Variants in ADGRV1 observed in about 807,000 individuals in gnomAD.
ADGRV1 encodes the protein G-protein coupled receptor 98.
ADGRV1 carries 359 observed loss-of-function variants against 596.2 expected under a neutral mutation model. The observed-to-expected ratio is 0.60, with a 90% confidence interval of 0.55 to 0.66. The LOEUF (loss-of-function observed/expected upper bound fraction) is 0.66. ADGRV1 is among the 30% of genes least tolerant of loss of function. The pLI is 0.00. For missense variants in ADGRV1, 7,274 were observed against 7,575.6 expected, an observed-to-expected ratio of 0.96 and a Z score of 1.48; for synonymous variants, 2,681 against 2,679.2, an observed-to-expected ratio of 1.00 and a Z score of -0.02.
chr5:90,856,125 C>T (rs1369390094), intron 82 of ADGRV1, among the ~76,000 whole-genome samples: 4 of 152,066 alleles, frequency 2.6e-5, no homozygotes, highest in African/African-American at 2.4e-5. Context: ...AGTTTCACCC[C>T]ATAAAGAATA....
rs375653808 is a variant in ADGRV1, at chr5:90,627,278, C to T, written c.740C>T (p.Thr247Ile). 15 of 1,607,342 alleles carry T rather than the reference C, an allele frequency of 9.3e-6. No individual in the cohort carries two copies. The South Asian group carries it at 1.6e-4, about 17-fold the overall frequency. The change falls in exon 7 of 90, where the codon ACC (threonine) becomes ATC (isoleucine). Residue 247 changes from threonine (T) to isoleucine (I), a missense_variant. By Grantham distance (89) the Thr-to-Ile change is moderately conservative. Coordinates refer to ENST00000405460, the MANE Select transcript of ADGRV1 (RefSeq NM_032119.4). ...KSVEGGAEIN[T>I]SRNSIEIIIK... ...GTAGAAGGAGGAGCTGAGATTAACA[C>T]CTCTAGGAATTCCATTGAGATCATC...
At chr5:90,578,957 A>G (rs1757598558) in intron 1 of ADGRV1, among the ~76,000 whole-genome samples, 1 of 150,684 alleles carries the variant, frequency 6.6e-6, no homozygotes, top group East Asian at 2.0e-4. Flanking sequence ...CGGTGGTGAT[A>G]TATCATTTTT....
intron 84 of ADGRV1, among the ~76,000 whole-genome samples, chr5:90,982,291 T>C (rs150546012): frequency 9.0e-4 from 137 of 152,298 alleles, no homozygotes; most frequent in African/African-American, 2.9e-3. Flanking sequence ...TAACGTTGGT[T>C]TCATGATACT....
chr5:90,642,940 G>A lies in ADGRV1; in HGVS notation c.2452G>A (p.Asp818Asn), dbSNP rs1554069089. Residue 818 changes from aspartate to asparagine, a missense_variant, in exon 13 of 90, where the codon GAT (aspartate) becomes AAT (asparagine). This residue lies in a region of ADGRV1 where 1,715 missense variants were observed against 1,708.8 expected (regional missense o/e 1.00). Transcript: ENST00000405460. ...QFLHYRVEPR[D>N]SNEFYGNTGV... ...TCTACACTACCGAGTAGAGCCAAGA[G>A]ATAGCAATGAATTCTATGGAAACAC... 1.2e-6 allele frequency: 2 copies of A among 1,613,520 alleles called. No individual in the cohort carries two copies. The highest frequency in any genetic ancestry group is 1.7e-6 in the Non-Finnish European group (2 of 1,179,562).
At chr5:91,001,850 A>G (rs768867356) in intron 85 of ADGRV1, among the ~76,000 whole-genome samples, 2 of 151,790 alleles carry the variant, frequency 1.3e-5, no homozygotes, top group Non-Finnish European at 2.9e-5. Context: ...TTTGCATTAT[A>G]TTTTCTCTAA....
chr5:91,011,019 G>A (rs1782676777), intron 85 of ADGRV1, among the ~76,000 whole-genome samples: 1 of 151,912 alleles, frequency 6.6e-6, no homozygotes, highest in Non-Finnish European at 1.5e-5. Context: ...TTGTTAATAT[G>A]CATAAAAAAT....
intron 21 of ADGRV1, among the ~76,000 whole-genome samples, chr5:90,662,588 G>GT (rs1303389608): frequency 2.1e-3 from 309 of 148,810 alleles, no homozygotes; most frequent in Non-Finnish European, 2.8e-3. Flanking sequence ...AATCCTGGTA[G>GT]TTTTTTTTTT....
chr5:90,785,787 T>A (rs184669125), intron 67 of ADGRV1, among the ~76,000 whole-genome samples: 251 of 152,284 alleles, frequency 1.6e-3, no homozygotes, highest in African/African-American at 5.8e-3. Flanking sequence ...ATAGGAACGC[T>A]TTTACACTGC....
At position 90,729,775 on chromosome 5, in the gene ADGRV1, T is replaced by C; in HGVS notation, c.10549+11T>C. 6.2e-7 allele frequency: 1 copy of C among 1,612,340 alleles called. No individual in the cohort carries two copies. The highest frequency in any genetic ancestry group is 8.5e-7 in the Non-Finnish European group (1 of 1,178,960). ...CAGCCTCAGGAATAGGTAAGGACTTTTCAACTGCTCACCAATTCTAAAGGT... is the reference window on the plus strand; with the variant it reads ...CAGCCTCAGGAATAGGTAAGGACTTCTCAACTGCTCACCAATTCTAAAGGT... On this transcript the variant is annotated intron_variant, in intron 50 of 89. Coordinates refer to ENST00000405460, the MANE Select transcript of ADGRV1 (RefSeq NM_032119.4).
chr5:91,080,371 A>G (rs1789235457), intron 86 of ADGRV1, among the ~76,000 whole-genome samples: 1 of 152,094 alleles, frequency 6.6e-6, no homozygotes, highest in South Asian at 2.1e-4. Flanking sequence ...ACGTTTTCAC[A>G]TTTACAGGGC....
chr5:90,807,918 C>T lies in ADGRV1; in HGVS notation c.14972+181C>T, dbSNP rs1196052110. Among the ~76,000 whole-genome samples, 5 of 152,320 alleles carry T rather than the reference C, an allele frequency of 3.3e-5. No individual in the cohort carries two copies. The East Asian group carries it at 7.7e-4, about 24-fold the overall frequency. ...AGGTGGCTCTTAGGAGCCCCACCAC[C>T]CACTGTTTGCTCTAAAGAGAGCTCC... On this transcript the variant is annotated intron_variant, in intron 73 of 89. Coordinates refer to ENST00000405460, the MANE Select transcript of ADGRV1 (RefSeq NM_032119.4).
At chr5:90,890,831 C>G (rs1031688376) in intron 83 of ADGRV1, among the ~76,000 whole-genome samples, 7 of 152,102 alleles carry the variant, frequency 4.6e-5, no homozygotes, top group Non-Finnish European at 8.8e-5. Context: ...TCATCTTCTT[C>G]AACACTTCGT....
intron 85 of ADGRV1, among the ~76,000 whole-genome samples, chr5:90,995,456 A>T (rs1430153427): frequency 1.3e-5 from 2 of 152,132 alleles, no homozygotes; most frequent in Non-Finnish European, 2.9e-5. Flanking sequence ...CTCCCCAGCC[A>T]TGCCTTCTGT....
At chr5:90,838,424 C>A (rs914535692) in intron 77 of ADGRV1, among the ~76,000 whole-genome samples, 1 of 152,110 alleles carries the variant, frequency 6.6e-6, no homozygotes, top group African/African-American at 2.4e-5. Flanking sequence ...AAGAATCAAT[C>A]TCCAGGCTAG....
intron 85 of ADGRV1, among the ~76,000 whole-genome samples, chr5:91,003,837 C>T (rs925136803): frequency 6.6e-6 from 1 of 151,646 alleles, no homozygotes; most frequent in Non-Finnish European, 1.5e-5. Flanking sequence ...TCCCGGTGGA[C>T]TCAGATGTAA....
Position 91,094,712 on chromosome 5 carries a change from C to T in ADGRV1, c.18311-7507C>T, listed in dbSNP as rs75551786. Among the ~76,000 whole-genome samples the T allele has an allele frequency of 1.0e-3, 154 of 152,072 alleles. 1 individual carries two copies. In the East Asian group the frequency reaches 0.028, roughly 28 times the overall value. On this transcript the variant is annotated intron_variant, in intron 86 of 89. Transcript: ENST00000405460. ...AATGGGGCATCAGGGTAAATCGGTG[C>T]GAATGGTGATACCAGTACTCAGGAG... is the stretch of plus-strand genomic sequence containing the variant.
At chr5:90,589,061 AT>A (rs906194641) in intron 1 of ADGRV1, among the ~76,000 whole-genome samples, 1 of 152,102 alleles carries the variant, frequency 6.6e-6, no homozygotes, top group Non-Finnish European at 1.5e-5. Context: ...GATATCTTCT[AT>A]TTTTTTAAAG....
At chr5:91,107,094 A>T (rs963642405) in intron 87 of ADGRV1, among the ~76,000 whole-genome samples, 9 of 152,146 alleles carry the variant, frequency 5.9e-5, no homozygotes, top group Admixed American at 6.6e-5. Flanking sequence ...CCACACCCAG[A>T]GTTTCTGATA....
At position 90,729,659 on chromosome 5, in the gene ADGRV1, G is replaced by A. The variant is rs371432045; in HGVS notation, c.10444G>A (p.Asp3482Asn). The change falls in exon 50 of 90, where the codon GAT (aspartate) becomes AAT (asparagine). Residue 3482 changes from aspartate (D) to asparagine (N), a missense_variant. Coordinates refer to ENST00000405460, the MANE Select transcript of ADGRV1 (RefSeq NM_032119.4). ...NVFLGDQNSI[D>N]IFIWEMGQSS... is the part of the protein sequence containing the mutation. Reference sequence around the variant, plus strand: ...TATTGCAGGAGATCAGAATTCAATTGATATTTTCATCTGGGAGATGGGACA... The same window carrying A: ...TATTGCAGGAGATCAGAATTCAATTAATATTTTCATCTGGGAGATGGGACA... 12 of 1,605,532 alleles carry A rather than the reference G, an allele frequency of 7.5e-6. No individual in the cohort carries two copies. Among genetic ancestry groups the A allele is most frequent in the African/African-American group, 1.3e-5 (1 of 74,702 alleles).
Sources: gnomAD v4.1 joint callset for allele counts (sites outside exome capture counted in the v4.1 genomes callset) on GRCh38, gnomAD v4.1.1 for gene constraint, gnomAD v4.1.1 regional missense constraint, MANE v1.5 for transcripts, NCBI Gene and HGNC (gene_info 2026-07-23, HGNC 2026-07-21) for gene names.